STARD13: variants seen among roughly 807,000 people sequenced by gnomAD.
The protein encoded by STARD13 is StAR related lipid transfer domain containing 13, also known as stAR-related lipid transfer protein 13.
In STARD13, 62 loss-of-function variants were observed where a neutral mutation model predicts 106.4. That is an observed-to-expected ratio of 0.58 (90% CI 0.48 to 0.72). The LOEUF is 0.72. Ranked by LOEUF, STARD13 falls within the 30% of genes least tolerant of loss-of-function variation. STARD13 has a pLI of 0.00. For synonymous variants in STARD13, 565 were observed against 553.0 expected, an observed-to-expected ratio of 1.02 and a Z score of -0.31; for missense variants, 1,387 against 1,424.0, an observed-to-expected ratio of 0.97 and a Z score of 0.42.
the STARD13 span, among the ~76,000 whole-genome samples, chr13:33,388,415 G>A: frequency 6.6e-6 from 1 of 152,230 alleles, no homozygotes; most frequent in Non-Finnish European, 1.5e-5. Flanking sequence ...GGCCAGGGCA[G>A]TGCAGTCACG....
intron 3 of STARD13, among the ~76,000 whole-genome samples, chr13:33,142,958 G>A (rs1226344439): frequency 3.3e-5 from 5 of 152,228 alleles, no homozygotes; most frequent in African/African-American, 1.2e-4. Context: ...GGGTCTACCA[G>A]GGAGGAGCTC....
At chr13:33,492,069 G>A in the STARD13 span, among the ~76,000 whole-genome samples, 1 of 152,142 alleles carries the variant, frequency 6.6e-6, no homozygotes, top group Admixed American at 6.5e-5. Flanking sequence ...GTCACAAGGT[G>A]CTCAGTAAGG....
At chr13:33,477,973 A>T in the STARD13 span, among the ~76,000 whole-genome samples, 1 of 151,172 alleles carries the variant, frequency 6.6e-6, no homozygotes, top group Non-Finnish European at 1.5e-5. Flanking sequence ...GTAAGACTTC[A>T]GACCCCTCAT....
At chr13:33,368,229 C>T in the STARD13 span, among the ~76,000 whole-genome samples, 1 of 152,212 alleles carries the variant, frequency 6.6e-6, no homozygotes, top group East Asian at 1.9e-4. Flanking sequence ...CTCCTCGATC[C>T]TGGCCCAGTG....
chr13:33,129,915 A>C lies in STARD13; in HGVS notation c.762T>G (p.Ala254=). Residue 254 remains alanine (A), a synonymous_variant, in exon 5 of 14, where the codon GCT becomes GCG. Coordinates refer to ENST00000336934, the MANE Select transcript of STARD13 (RefSeq NM_178006.4). ...TGCGTTTCAAAAATGATTTGGCCCTAGCCCTCGTGGGCTTCTCATTCTTGG... is the reference window on the plus strand; with the variant it reads ...TGCGTTTCAAAAATGATTTGGCCCTCGCCCTCGTGGGCTTCTCATTCTTGG... ...FHPKNEKPTR[A]RAKSFLKRME... 6.2e-7 allele frequency: 1 copy of C among 1,613,338 alleles called. No homozygotes were observed. Among genetic ancestry groups the C allele is most frequent in the Non-Finnish European group, 8.5e-7 (1 of 1,179,978 alleles).
At chr13:33,388,952 T>G in the STARD13 span, among the ~76,000 whole-genome samples, 1 of 144,432 alleles carries the variant, frequency 6.9e-6, no homozygotes, top group Non-Finnish European at 1.5e-5. Flanking sequence ...TTAGGGGTCC[T>G]TCTTTTTTTT....
At chr13:33,623,125 A>C in the STARD13 span, among the ~76,000 whole-genome samples, 1 of 152,058 alleles carries the variant, frequency 6.6e-6, no homozygotes. Context: ...AAATAAAAAT[A>C]AATTGACCAA....
the STARD13 span, among the ~76,000 whole-genome samples, chr13:33,645,629 G>T: frequency 1.3e-5 from 2 of 152,146 alleles, no homozygotes; most frequent in African/African-American, 4.8e-5. Context: ...AGTCTAAAGG[G>T]ATTATTGTGT....
chr13:33,408,639 T>C, the STARD13 span, among the ~76,000 whole-genome samples: 3,200 of 152,228 alleles, frequency 0.021, 112 homozygotes, highest in African/African-American at 0.074. Context: ...ACAATGTATA[T>C]CCTTGGAAAA....
the STARD13 span, among the ~76,000 whole-genome samples, chr13:33,532,705 T>G: frequency 1.3e-5 from 2 of 152,164 alleles, no homozygotes; most frequent in African/African-American, 4.8e-5. Flanking sequence ...GGAGAGAAAT[T>G]TATGTCATTT....
the STARD13 span, among the ~76,000 whole-genome samples, chr13:33,378,538 C>T: frequency 1.3e-5 from 2 of 152,192 alleles, no homozygotes; most frequent in Admixed American, 6.5e-5. Context: ...CGCCTGTAAT[C>T]CCAGCACTTT....
intron 7 of STARD13, among the ~76,000 whole-genome samples, chr13:33,121,375 T>G (rs970096977): frequency 5.9e-5 from 9 of 152,022 alleles, no homozygotes; most frequent in African/African-American, 2.2e-4. Flanking sequence ...GAGACCAGCC[T>G]GGCCAACATG....
chr13:33,563,863 A>G, the STARD13 span, among the ~76,000 whole-genome samples: 1 of 147,560 alleles, frequency 6.8e-6, no homozygotes, highest in African/African-American at 2.5e-5. Flanking sequence ...AAGGAGCTCA[A>G]ACAACTTAGT....
At chr13:33,609,343 A>G in the STARD13 span, among the ~76,000 whole-genome samples, 2 of 152,254 alleles carry the variant, frequency 1.3e-5, no homozygotes, top group East Asian at 3.9e-4. Context: ...AATATGCTCA[A>G]CTTCACTAGT....
At chr13:33,304,126 C>G (rs762496260) in intron 1 of STARD13, among the ~76,000 whole-genome samples, 2 of 152,206 alleles carry the variant, frequency 1.3e-5, no homozygotes, top group Non-Finnish European at 2.9e-5. Flanking sequence ...GAAATCCACT[C>G]ACTGCAGACA....
At chr13:33,675,831 G>A in the STARD13 span, among the ~76,000 whole-genome samples, 1 of 152,170 alleles carries the variant, frequency 6.6e-6, no homozygotes, top group African/African-American at 2.4e-5. Flanking sequence ...TTTCCCCAGT[G>A]AGAGAGAAAT....
the STARD13 span, among the ~76,000 whole-genome samples, chr13:33,375,802 G>GGGAA: frequency 2.0e-5 from 3 of 152,112 alleles, no homozygotes; most frequent in African/African-American, 7.2e-5. Flanking sequence ...TCTCAGGTAT[G>GGGAA]TTTTTATTAG....
chr13:33,239,473 G>A (rs900533971), intron 1 of STARD13, among the ~76,000 whole-genome samples: 1 of 152,086 alleles, frequency 6.6e-6, no homozygotes, highest in African/African-American at 2.4e-5. Context: ...CATAGCAGCT[G>A]CACTGTTTTT....
intron 1 of STARD13, among the ~76,000 whole-genome samples, chr13:33,240,361 T>G (rs1471805220): frequency 1.3e-5 from 2 of 152,178 alleles, no homozygotes; most frequent in African/African-American, 4.8e-5. Context: ...GTTTTGGCTA[T>G]TCAGGATCCT....
Sources: allele counts gnomAD v4.1 joint callset (sites outside exome capture counted in the v4.1 genomes callset), GRCh38; gene constraint gnomAD v4.1.1; transcripts MANE v1.5; gene names NCBI Gene and HGNC (gene_info 2026-07-23, HGNC 2026-07-21).